The following CFAP46 variants were observed in gnomAD, a reference collection of about 807,000 sequenced individuals.
CFAP46 encodes cilia and flagella associated protein 46, also known as cilia- and flagella-associated protein 46.
In CFAP46, 245 loss-of-function variants were observed where a neutral mutation model predicts 325.7. The ratio of observed to expected loss-of-function variants is 0.75; its 90% CI spans 0.68 to 0.84. The LOEUF is 0.84. Among genes scored for constraint, CFAP46 ranks in the 40% least tolerant of loss-of-function variants. CFAP46 has a pLI of 0.00. For synonymous variants in CFAP46, 1,523 were observed against 1,495.9 expected, an observed-to-expected ratio of 1.02 and a Z score of -0.42; for missense variants, 3,346 against 3,543.0, an observed-to-expected ratio of 0.94 and a Z score of 1.41.
Position 132,814,895 on chromosome 10 carries a change from C to T in CFAP46, c.7137G>A (p.Glu2379=). 6.2e-7 allele frequency: 1 copy of T among 1,614,188 alleles called. No homozygotes were observed. Among genetic ancestry groups the T allele is most frequent in the Non-Finnish European group, 8.5e-7 (1 of 1,180,006 alleles). ...KEETEGGVKK[E]GRSRDPKKRS... ...TCTTTTTGGGGTCTCTGCTTCTTCC[C>T]TCCTTTTTCACGCCACCTTCTGTTG... The change falls in exon 51 of 58, where the codon GAG becomes GAA. Residue 2379 remains glutamate, a synonymous_variant. Transcript: ENST00000368586.
At chr10:132,837,718 C>G (rs1204548711) in intron 44 of CFAP46, among the ~76,000 whole-genome samples, 1 of 143,380 alleles carries the variant, frequency 7.0e-6, no homozygotes, top group Non-Finnish European at 1.5e-5. Context: ...CAGACATGCA[C>G]GGACACACAC....
chr10:132,896,621 T>C (rs1355972166), intron 24 of CFAP46, among the ~76,000 whole-genome samples: 1 of 152,228 alleles, frequency 6.6e-6, no homozygotes, highest in Non-Finnish European at 1.5e-5. Flanking sequence ...ACCATGTTCA[T>C]GGATAGGAAG....
intron 24 of CFAP46, among the ~76,000 whole-genome samples, chr10:132,895,029 C>T (rs1591077662): frequency 6.6e-6 from 1 of 152,092 alleles, no homozygotes; most frequent in East Asian, 1.9e-4. Context: ...GATCAATATC[C>T]CTTATGAATA....
At chr10:132,910,271 G>A (rs1238337495) in intron 19 of CFAP46, among the ~76,000 whole-genome samples, 1 of 152,234 alleles carries the variant, frequency 6.6e-6, no homozygotes, top group Non-Finnish European at 1.5e-5. Context: ...GGACGCAGCT[G>A]CCACCTGGCC....
rs778688998 is a variant in CFAP46, at chr10:132,938,732, A to G, written c.393T>C (p.Asn131=). The G allele has an allele frequency of 1.9e-6, 3 of 1,613,308 alleles. No individual in the cohort carries two copies. The highest frequency in any genetic ancestry group is 2.5e-6 in the Non-Finnish European group (3 of 1,179,912). ...CCATCTGCCAGTAGAGGACTGATGC[A>G]TTGTACACCAAAAAGTAGTACCTGC... The part of the protein sequence containing the change: ...GEPRYYFLVY[N]ASVLYWQMVR... The change falls in exon 5 of 58, where the codon AAT becomes AAC. Residue 131 remains asparagine (N), a synonymous_variant. Coordinates refer to ENST00000368586, the MANE Select transcript of CFAP46 (RefSeq NM_001200049.3).
rs527530176 is a variant in CFAP46 at position 132,877,923 on chromosome 10, G to C, written c.4170C>G (p.Asp1390Glu). ...EKENERSKEKDKEKGKEEKVK... is the reference protein window; with the variant it reads ...EKENERSKEKEKEKGKEEKVK... Reference sequence around the variant, plus strand: ...CTTTCTCCTCCTTTCCCTTCTCCTTGTCCTTCTCTTTACTCCTCTCATTCT... The same window carrying C: ...CTTTCTCCTCCTTTCCCTTCTCCTTCTCCTTCTCTTTACTCCTCTCATTCT... Residue 1390 changes from aspartate (D) to glutamate (E), a missense_variant, in exon 30 of 58, where the codon GAC (aspartate) becomes GAG (glutamate). Asp to Glu is a conservative substitution (Grantham distance 45). Coordinates refer to ENST00000368586, the MANE Select transcript of CFAP46 (RefSeq NM_001200049.3). This position sits in a 1 kb window ranked among gnomAD's most constrained non-coding sequence, Gnocchi z 5.7. The C allele has an allele frequency of 5.2e-6, 8 of 1,547,944 alleles. No individual in the cohort carries two copies. The highest frequency in any genetic ancestry group is 7.0e-6 in the Non-Finnish European group (8 of 1,146,008).
intron 21 of CFAP46, 104 bp from the exon 22 acceptor site, chr10:132,908,738 G>A: frequency 7.2e-7 from 1 of 1,380,260 alleles, no homozygotes. Context: ...CTAAGCAGAG[G>A]CGTGGCCTGT....
chr10:132,857,519 G>A (rs1564780775), intron 39 of CFAP46, 71 bp downstream of exon 39: 3 of 1,476,844 alleles, frequency 2.0e-6, no homozygotes, highest in Non-Finnish European at 1.8e-6. Flanking sequence ...GGCTTGTAAG[G>A]TAAGTTACAG....
rs1483403571 is a variant in CFAP46, at chr10:132,847,229, C to T, written c.6045G>A (p.Arg2015=). The change falls in exon 42 of 58, where the codon AGG becomes AGA. Residue 2015 remains arginine, a synonymous_variant. Coordinates refer to ENST00000368586, the MANE Select transcript of CFAP46 (RefSeq NM_001200049.3). This position sits in a 1 kb window ranked among gnomAD's most constrained non-coding sequence, Gnocchi z 5.2. ...TCCTGCAGTGCTCCTCCGGGGCTGC[C>T]CTGGAGGCCGGCGGGTCCCTGCTGG... The part of the protein sequence containing the change: ...TKSSRDPPAS[R]AAPEEHCRRG... 2.5e-6 allele frequency: 4 copies of T among 1,613,088 alleles called. No individual in the cohort carries two copies. Among genetic ancestry groups the T allele is most frequent in the Non-Finnish European group, 2.5e-6 (3 of 1,179,922 alleles).
rs35981039 is a variant in CFAP46 at position 132,808,597 on chromosome 10, T to G, written c.7972A>C (p.Lys2658Gln). 2,729 of 1,612,432 alleles carry G rather than the reference T, an allele frequency of 1.7e-3. 41 individuals are homozygous for G. In the African/African-American group the frequency reaches 0.03, roughly 18 times the overall value. The change falls in exon 58 of 58, where the codon AAG (lysine) becomes CAG (glutamine). Residue 2658 changes from lysine to glutamine, a missense_variant. Transcript: ENST00000368586. This position sits in a 1 kb window ranked among gnomAD's most constrained non-coding sequence, Gnocchi z 6.8. ...GAGCTCGAGGTCCAGGCGGCTGCCT[T>G]GCGGGAAGTCGCTGGGGGAGGGTCC... ...ARDPPPATSR[K>Q]AAAWTSSSAC...
Position 132,886,973 on chromosome 10 carries a change from G to A in CFAP46, c.3305-1014C>T, listed in dbSNP as rs537268484. 3.4e-4 allele frequency among the ~76,000 whole-genome samples: 52 copies of A among 152,156 alleles called. No individual in the cohort carries two copies. Among genetic ancestry groups the A allele is most frequent in the Non-Finnish European group, 5.3e-4 (36 of 68,010 alleles). Reference sequence around the variant, plus strand: ...CCCAGCTCTTTCAGAGGTCAGTGAAGGATCTGTCTTCTCTCTTTTCTCTTC... The same window carrying A: ...CCCAGCTCTTTCAGAGGTCAGTGAAAGATCTGTCTTCTCTCTTTTCTCTTC... On this transcript the variant is annotated intron_variant, in intron 25 of 57. Transcript: ENST00000368586. This position sits in a 1 kb window ranked among gnomAD's most constrained non-coding sequence, Gnocchi z 5.8.
intron 50 of CFAP46, among the ~76,000 whole-genome samples, chr10:132,820,642 G>A (rs537443767): frequency 4.9e-5 from 7 of 143,818 alleles, no homozygotes; most frequent in Admixed American, 3.4e-4. Context: ...GTGCTGATGT[G>A]TGCTGTGAGT....
chr10:132,847,392 A>T lies in CFAP46; in HGVS notation c.5953-71T>A. The T allele has an allele frequency of 6.3e-7, 1 of 1,586,702 alleles. No homozygotes were observed. The highest frequency in any genetic ancestry group is 8.6e-7 in the Non-Finnish European group (1 of 1,162,268). On this transcript the variant is annotated intron_variant, in intron 41 of 57. Coordinates refer to ENST00000368586, the MANE Select transcript of CFAP46 (RefSeq NM_001200049.3). The surrounding 1 kb of genome is among the most constrained non-coding windows in gnomAD (Gnocchi z 5.2). Reference sequence around the variant, plus strand: ...TGGTCGGCGTGGGGAGGGCCCACCCAGGGAGGCCGGGGTGGTCGGGCTCCT... The same window carrying T: ...TGGTCGGCGTGGGGAGGGCCCACCCTGGGAGGCCGGGGTGGTCGGGCTCCT...
chr10:132,918,285 C>T lies in CFAP46; in HGVS notation c.1986+108G>A, dbSNP rs192085768. 2.1e-4 allele frequency: 88 copies of T among 423,956 alleles called. 2 individuals are homozygous for T. In the African/African-American group the frequency reaches 5.2e-3, roughly 25 times the overall value. The allele number at this position is 423,956 out of a possible 1,614,324, so 26.3% of individuals were successfully genotyped here. On this transcript the variant is annotated intron_variant, in intron 16 of 57. Coordinates refer to ENST00000368586, the MANE Select transcript of CFAP46 (RefSeq NM_001200049.3). ...CCGATGAACCCCCCTCTCCACGACG[C>T]ACCTCAGCACCGATGAACGCCCCTC...
At chr10:132,930,992 A>G (rs1468145520) in intron 8 of CFAP46, among the ~76,000 whole-genome samples, 19 of 110,320 alleles carry the variant, frequency 1.7e-4, no homozygotes, top group South Asian at 3.5e-4. Flanking sequence ...CACTCCCCAC[A>G]CAGAGCCTGG....
chr10:132,834,443 C>A (rs1848203954), intron 48 of CFAP46, among the ~76,000 whole-genome samples: 1 of 152,162 alleles, frequency 6.6e-6, no homozygotes, highest in African/African-American at 2.4e-5. Flanking sequence ...GCTGGAGGGA[C>A]CGTGGGCAGT....
chr10:132,908,414 C>T (rs935803034), intron 22 of CFAP46, 54 bp downstream of exon 22: 1 of 1,540,914 alleles, frequency 6.5e-7, no homozygotes, highest in Non-Finnish European at 8.8e-7. Flanking sequence ...GAGGCCCAGG[C>T]CTGCGCTCCC....
chr10:132,824,453 C>CTGTGTGAGTGCTGA (rs1456566043), intron 50 of CFAP46, among the ~76,000 whole-genome samples: 1 of 103,782 alleles, frequency 9.6e-6, no homozygotes, highest in Non-Finnish European at 1.9e-5. Flanking sequence ...CTGATGTGTG[C>CTGTGTGAGTGCTGA]TGTGTGCTGA....
intron 19 of CFAP46, 47 bp downstream of exon 19, chr10:132,912,602 CTCCTCT>C (rs1382935164): frequency 5.1e-5 from 72 of 1,408,808 alleles, no homozygotes; most frequent in African/African-American, 4.2e-5. Context: ...TCTCTCCTCT[CTCCTCT>C]CTCTCTCTCT....
Sources: gnomAD v4.1 joint callset for allele counts (sites outside exome capture counted in the v4.1 genomes callset) on GRCh38, gnomAD v4.1.1 for gene constraint, Gnocchi (gnomAD v3.1) non-coding constraint, MANE v1.5 for transcripts, NCBI Gene and HGNC (gene_info 2026-07-23, HGNC 2026-07-21) for gene names.